The following R3HDM2 variants were observed in gnomAD, a reference collection of about 807,000 sequenced individuals.
R3HDM2 encodes the protein R3H domain containing 2, also known as R3H domain-containing protein 2.
Under a neutral mutation model 124.5 loss-of-function variants are expected in R3HDM2, and 38 were observed. The ratio of observed to expected loss-of-function variants is 0.31; its 90% CI spans 0.24 to 0.40. R3HDM2 has a LOEUF of 0.40. Among genes scored for constraint, R3HDM2 ranks in the 10% least tolerant of loss-of-function variants. The probability of loss-of-function intolerance (pLI) is 1.00; values close to 1 mark genes in which losing one functional copy is unlikely to be tolerated. For missense variants in R3HDM2, 869 were observed against 1,236.9 expected (o/e 0.70, Z 4.46); for synonymous variants, 391 against 448.0 (o/e 0.87, Z 1.61).
In R3HDM2 at chr12:57,254,937, G is replaced by T; in HGVS notation, c.2809C>A (p.His937Asn). The T allele has an allele frequency of 1.2e-6, 2 of 1,614,110 alleles. No individual in the cohort carries two copies. Among genetic ancestry groups the T allele is most frequent in the Non-Finnish European group, 8.5e-7 (1 of 1,179,974 alleles). ...DNSGTAENGR[H>N]SDLAALYTIV... ...GTGTACAAGGCAGCGAGGTCCGAGT[G>T]GCGGCCATTCTCAGCAGTCCCACTG... Residue 937 changes from histidine to asparagine, a missense_variant, in exon 24 of 24, where the codon CAC becomes AAC. His to Asn is a moderately conservative substitution (Grantham distance 68). Coordinates refer to ENST00000402412, the MANE Select transcript of R3HDM2 (RefSeq NM_001394031.1).
chr12:57,303,229 G>C lies in R3HDM2; in HGVS notation c.166-12C>G. The C allele has an allele frequency of 6.6e-7, 1 of 1,518,052 alleles. No individual in the cohort carries two copies. The highest frequency in any genetic ancestry group is 9.0e-7 in the Non-Finnish European group (1 of 1,116,492). 94.0% of individuals were successfully genotyped at this position (1,518,052 alleles called of 1,614,324 possible). On this transcript the variant is annotated splice_polypyrimidine_tract_variant and intron_variant, in intron 3 of 23. Coordinates refer to ENST00000402412, the MANE Select transcript of R3HDM2 (RefSeq NM_001394031.1). ...TTAGATGTCCGCCTCTGTTAGAAGG[G>C]AATTGGAAAATATTAAAGGTGGAAG...
At chr12:57,352,746 A>G (rs1257179896) in intron 2 of R3HDM2, among the ~76,000 whole-genome samples, 1 of 152,170 alleles carries the variant, frequency 6.6e-6, no homozygotes, top group East Asian at 1.9e-4. Flanking sequence ...CACCCACCTC[A>G]GCCTCCTAAA....
At chr12:57,301,011 G>A (rs938583633) in intron 4 of R3HDM2, among the ~76,000 whole-genome samples, 8 of 151,958 alleles carry the variant, frequency 5.3e-5, no homozygotes, top group Non-Finnish European at 1.2e-4. Context: ...GGCTGAGGCG[G>A]GAGAATTGCT....
At position 57,258,054 on chromosome 12, in the gene R3HDM2, G is replaced by A. The variant is rs1346940202; in HGVS notation, c.2385C>T (p.Val795=). 29 of 1,603,606 alleles carry A rather than the reference G, an allele frequency of 1.8e-5. No individual in the cohort carries two copies. The highest frequency in any genetic ancestry group is 4.5e-5 in the South Asian group (4 of 89,580). ...CAGGCAGGGGACTGAGTCCTGTGCA[G>A]ACACTGCTGAGGCTGGTGACAGGAG... ...APSPVTSLSS[V]CTGLSPLPVL... Residue 795 remains valine, a synonymous_variant, in exon 21 of 24, where the codon GTC becomes GTT. Coordinates refer to ENST00000402412, the MANE Select transcript of R3HDM2 (RefSeq NM_001394031.1).
intron 2 of R3HDM2, among the ~76,000 whole-genome samples, chr12:57,376,149 T>A (rs1195583397): frequency 6.6e-6 from 1 of 152,248 alleles, no homozygotes; most frequent in African/African-American, 2.4e-5. Context: ...AGAACCACTA[T>A]GACCCTCCTC....
At chr12:57,359,674 T>C (rs1166499276) in intron 2 of R3HDM2, among the ~76,000 whole-genome samples, 3 of 152,178 alleles carry the variant, frequency 2.0e-5, no homozygotes, top group African/African-American at 7.2e-5. Context: ...GTGATTAGAT[T>C]GTTTGTATTT....
intron 18 of R3HDM2, 53 bp from the exon 19 acceptor site, chr12:57,266,884 C>T: frequency 1.5e-6 from 2 of 1,298,692 alleles, no homozygotes; most frequent in Non-Finnish European, 2.1e-6. Flanking sequence ...ATGAACACAG[C>T]TCCTGGCAAA....
rs1370601178 is a variant in R3HDM2 at position 57,284,055 on chromosome 12, C to A, written c.940G>T (p.Gly314Trp). 20 of 1,591,600 alleles carry A rather than the reference C, an allele frequency of 1.3e-5. No homozygotes were observed. The highest frequency in any genetic ancestry group is 5.5e-5 in the Admixed American group (3 of 54,556). The change falls in exon 13 of 24, where the codon GGG (glycine) becomes TGG (tryptophan). Residue 314 changes from glycine (G) to tryptophan (W), a missense_variant and splice_region_variant. Gly to Trp is a radical substitution (Grantham distance 184). Transcript: ENST00000402412. ...GTGCGGCTCAGTCCTTCACGGTTCC[C>A]CCTGCAGAGACCATAGTGGTCAGAG... Reference protein sequence around the residue: ...GQNGYLNDIRGNREGLSRTSS... With the variant: ...GQNGYLNDIRWNREGLSRTSS...
intron 6 of R3HDM2, among the ~76,000 whole-genome samples, chr12:57,299,090 A>T (rs1488391013): frequency 6.6e-6 from 1 of 152,280 alleles, no homozygotes; most frequent in Non-Finnish European, 1.5e-5. Flanking sequence ...ATTCCAGAGC[A>T]CAAGTAAAAT....
chr12:57,359,407 C>T (rs1243884474), intron 2 of R3HDM2, among the ~76,000 whole-genome samples: 2 of 152,108 alleles, frequency 1.3e-5, no homozygotes, highest in African/African-American at 4.8e-5. Flanking sequence ...TCATTAAGTC[C>T]TCTTGAAGAA....
rs1340053842 is a variant in R3HDM2, at chr12:57,254,146, T to C, written c.*627A>G. 2.2e-6 allele frequency: 1 copy of C among 456,072 alleles called. No individual in the cohort carries two copies. The highest frequency in any genetic ancestry group is 2.4e-5 in the Admixed American group (1 of 42,512). The allele number at this position is 456,072 out of a possible 1,614,324, so 28.3% of individuals were successfully genotyped here. ...GGACAGTGTGGGACTTTCCCAATTC[T>C]ACCTGACCAAAAAATGAGAAATTAA... On this transcript the variant is annotated 3_prime_UTR_variant, in exon 24 of 24. Coordinates refer to ENST00000402412, the MANE Select transcript of R3HDM2 (RefSeq NM_001394031.1).
intron 14 of R3HDM2, among the ~76,000 whole-genome samples, chr12:57,277,129 G>A (rs1389499007): frequency 2.6e-5 from 4 of 151,554 alleles, no homozygotes; most frequent in Non-Finnish European, 5.9e-5. Context: ...ACTGCCCTGA[G>A]GGATGTGGCT....
At chr12:57,331,393 C>T (rs2058169626) in intron 2 of R3HDM2, among the ~76,000 whole-genome samples, 1 of 152,124 alleles carries the variant, frequency 6.6e-6, no homozygotes, top group African/African-American at 2.4e-5. Flanking sequence ...ATACCATTTC[C>T]TTGACTTTAT....
chr12:57,404,454 T>C lies in R3HDM2; in HGVS notation c.-105-8636A>G, dbSNP rs1477081415. Reference sequence around the variant, plus strand: ...GGCTCACACCTGTAATCCCAGCACTTTGGGAGGCCGAGGAGGGCAGATCAC... The same window carrying C: ...GGCTCACACCTGTAATCCCAGCACTCTGGGAGGCCGAGGAGGGCAGATCAC... On this transcript the variant is annotated intron_variant, in intron 1 of 23. Coordinates refer to ENST00000402412, the MANE Select transcript of R3HDM2 (RefSeq NM_001394031.1). 2.6e-5 allele frequency among the ~76,000 whole-genome samples: 4 copies of C among 151,122 alleles called. No individual in the cohort carries two copies. In the East Asian group the frequency reaches 7.9e-4, roughly 30 times the overall value.
At position 57,386,037 on chromosome 12, in the gene R3HDM2, TA is replaced by T. The variant is rs955672248; in HGVS notation, c.-36+9711del. On this transcript the variant is annotated intron_variant, in intron 2 of 23. Transcript: ENST00000402412. ...CCATCATTAAAAATAATTACAAAAA[TA>T]AAAAAAATGCCACATTTCTCACCAC... 5.3e-5 allele frequency among the ~76,000 whole-genome samples: 8 copies of T among 152,166 alleles called. No homozygotes were observed. In the East Asian group the frequency reaches 5.8e-4, roughly 11 times the overall value.
intron 2 of R3HDM2, among the ~76,000 whole-genome samples, chr12:57,335,262 C>A (rs1289259200): frequency 2.0e-5 from 3 of 151,838 alleles, no homozygotes; most frequent in African/African-American, 4.8e-5. Context: ...GGCTGGAGTG[C>A]AATGGCATAA....
chr12:57,323,577 T>A (rs143199801), intron 2 of R3HDM2, among the ~76,000 whole-genome samples: 151 of 152,308 alleles, frequency 9.9e-4, no homozygotes, highest in Non-Finnish European at 1.6e-3. Context: ...AGGAAACCCA[T>A]AGGAACTGGC....
At chr12:57,371,085 T>C (rs2063321609) in intron 2 of R3HDM2, among the ~76,000 whole-genome samples, 2 of 31,474 alleles carry the variant, frequency 6.4e-5, no homozygotes, top group Non-Finnish European at 1.4e-4. Flanking sequence ...TACCATTACT[T>C]TTTTTTTTTT....
intron 2 of R3HDM2, among the ~76,000 whole-genome samples, chr12:57,320,080 G>A (rs1487589896): frequency 6.6e-6 from 1 of 151,660 alleles, no homozygotes; most frequent in Non-Finnish European, 1.5e-5. Flanking sequence ...CCAACACGGT[G>A]AAACCCCGTT....
Sources: allele counts gnomAD v4.1 joint callset (sites outside exome capture counted in the v4.1 genomes callset), GRCh38; gene constraint gnomAD v4.1.1; transcripts MANE v1.5; gene names NCBI Gene and HGNC (gene_info 2026-07-23, HGNC 2026-07-21).